The following ELMOD2 variants were observed in gnomAD, a reference collection of about 807,000 sequenced individuals.
ELMOD2 encodes ELMO domain containing 2, also known as ELMO domain-containing protein 2.
A neutral mutation model predicts 41.0 loss-of-function variants in ELMOD2; 28 were observed. The observed-to-expected ratio is 0.68, with a 90% CI of 0.51 to 0.94. ELMOD2 has a LOEUF of 0.94. ELMOD2 is among the 40% of genes least tolerant of loss of function. The pLI is 0.00. For missense variants in ELMOD2, 333 were observed against 343.1 expected, an observed-to-expected ratio of 0.97 and a Z score of 0.23; for synonymous variants, 106 against 107.2, an observed-to-expected ratio of 0.99 and a Z score of 0.07.
chr4:140,550,594 T>C lies in ELMOD2; in HGVS notation c.*219T>C. On this transcript the variant is annotated 3_prime_UTR_variant, in exon 9 of 9. Transcript: ENST00000323570. ...ACCTTATCCTTCCAAAGATCCCCTC[T>C]GTAGAGTCATGCGAACTACAGTTTG... 1.1e-5 allele frequency: 4 copies of C among 356,858 alleles called. No individual in the cohort carries two copies. In the South Asian group the frequency reaches 1.8e-4, roughly 16 times the overall value. 22.1% of individuals were successfully genotyped at this position (356,858 alleles called of 1,614,324 possible). A position where few individuals can be genotyped will look rare whatever the true frequency, so the allele number is the denominator to read the frequency against.
intron 3 of ELMOD2, among the ~76,000 whole-genome samples, chr4:140,534,432 A>G (rs539806456): frequency 3.0e-4 from 45 of 152,180 alleles, no homozygotes; most frequent in Non-Finnish European, 4.9e-4. Flanking sequence ...ACTTTCTGGG[A>G]TGATAGAAAT....
At chr4:140,534,218 A>G (rs977765836) in intron 3 of ELMOD2, among the ~76,000 whole-genome samples, 1 of 152,186 alleles carries the variant, frequency 6.6e-6, no homozygotes, top group Non-Finnish European at 1.5e-5. Context: ...ATTAAAAGGG[A>G]CAAATTACAG....
intron 6 of ELMOD2, 32 bp downstream of exon 6, chr4:140,540,333 A>G: frequency 6.2e-7 from 1 of 1,608,436 alleles, no homozygotes; most frequent in South Asian, 1.1e-5. Flanking sequence ...TTTCTTCCCT[A>G]AATGAAATTA....
At chr4:140,538,806 G>A (rs79431738) in intron 5 of ELMOD2, among the ~76,000 whole-genome samples, 3,504 of 152,246 alleles carry the variant, frequency 0.023, 179 homozygotes, top group East Asian at 0.22. Flanking sequence ...GCGTTAAATA[G>A]CATTTACTAT....
intron 7 of ELMOD2, among the ~76,000 whole-genome samples, chr4:140,542,857 TTATC>T (rs1225210388): frequency 2.0e-5 from 3 of 151,962 alleles, no homozygotes; most frequent in Non-Finnish European, 4.4e-5. Flanking sequence ...AAGATATAGT[TTATC>T]TATACAATGG....
Position 140,552,732 on chromosome 4 carries a change from A to G in ELMOD2, c.*2357A>G, listed in dbSNP as rs1396796055. The stretch of plus-strand genomic sequence containing the variant: ...GAATATTGTGGCATTGAAGTAGCCG[A>G]AAAATTGTTAGTTTTAGCATCAAAA... On this transcript the variant is annotated 3_prime_UTR_variant, in exon 9 of 9. Transcript: ENST00000323570. 6.6e-6 allele frequency: 1 copy of G among 152,164 alleles called. No individual in the cohort carries two copies. The highest frequency in any genetic ancestry group is 2.4e-5 in the African/African-American group (1 of 41,462). 9.4% of individuals were successfully genotyped at this position (152,164 alleles called of 1,614,324 possible). A position where few individuals can be genotyped will look rare whatever the true frequency, so the allele number is the denominator to read the frequency against.
intron 4 of ELMOD2, among the ~76,000 whole-genome samples, chr4:140,536,523 CAT>C (rs1317627446): frequency 6.6e-6 from 1 of 152,080 alleles, no homozygotes; most frequent in African/African-American, 2.4e-5. Context: ...GGCACAGAGA[CAT>C]AGAAATATTA....
chr4:140,535,614 A>C, intron 3 of ELMOD2, 119 bp from the exon 4 acceptor site: 1 of 827,442 alleles, frequency 1.2e-6, no homozygotes, highest in Non-Finnish European at 1.9e-6. Flanking sequence ...TGGTTGAAAC[A>C]AACTGGGTTT....
chr4:140,542,695 A>G, intron 7 of ELMOD2, 53 bp downstream of exon 7: 1 of 1,303,272 alleles, frequency 7.7e-7, no homozygotes, highest in Non-Finnish European at 1.1e-6. Context: ...TAATGATTAG[A>G]TGATTTAATG....
chr4:140,533,828 G>T (rs961570167), intron 3 of ELMOD2, among the ~76,000 whole-genome samples: 2 of 149,844 alleles, frequency 1.3e-5, no homozygotes, highest in Non-Finnish European at 3.0e-5. Flanking sequence ...GTATATATAC[G>T]TGTGTGTGTG....
intron 7 of ELMOD2, among the ~76,000 whole-genome samples, chr4:140,543,222 G>T (rs943062101): frequency 6.6e-6 from 1 of 151,896 alleles, no homozygotes; most frequent in Admixed American, 6.6e-5. Flanking sequence ...TAGATATCAT[G>T]TGAACAGAGC....
At position 140,553,573 on chromosome 4, in the gene ELMOD2, T is replaced by A. The variant is rs1735524315; in HGVS notation, c.*3198T>A. On this transcript the variant is annotated 3_prime_UTR_variant, in exon 9 of 9. Coordinates refer to ENST00000323570, the MANE Select transcript of ELMOD2 (RefSeq NM_153702.4). ...TTAGACCCAACTACTACCTTACTAT[T>A]ATAGGACGATTCTATGTTTCTGTTA... 1 of 152,150 alleles carries A rather than the reference T, an allele frequency of 6.6e-6. No individual in the cohort carries two copies. Among genetic ancestry groups the A allele is most frequent in the South Asian group, 2.1e-4 (1 of 4,836 alleles). 9.4% of individuals were successfully genotyped at this position (152,150 alleles called of 1,614,324 possible).
At chr4:140,529,890 TTTAC>T (rs1218549887) in intron 3 of ELMOD2, among the ~76,000 whole-genome samples, 1 of 152,206 alleles carries the variant, frequency 6.6e-6, no homozygotes, top group East Asian at 1.9e-4. Context: ...TACTAAATAT[TTTAC>T]TTACTTATTT....
chr4:140,532,797 T>C (rs1025718098), intron 3 of ELMOD2, among the ~76,000 whole-genome samples: 1 of 152,156 alleles, frequency 6.6e-6, no homozygotes, highest in African/African-American at 2.4e-5. Flanking sequence ...GAAGAAGCAA[T>C]ATAAGACATA....
At chr4:140,537,616 G>T in intron 5 of ELMOD2, 75 bp downstream of exon 5, 1 of 1,546,954 alleles carries the variant, frequency 6.5e-7, no homozygotes, top group African/African-American at 1.4e-5. Context: ...AGTAAAGTCT[G>T]CAAATTCTAG....
intron 3 of ELMOD2, chr4:140,527,742 T>G: frequency 2.5e-6 from 1 of 406,556 alleles, no homozygotes; most frequent in Non-Finnish European, 4.4e-6. Flanking sequence ...GCTTTAAGAG[T>G]TGATAGCTTT....
Position 140,551,325 on chromosome 4 carries a change from A to G in ELMOD2, c.*950A>G, listed in dbSNP as rs1038875188. The G allele has an allele frequency of 2.0e-5, 3 of 152,104 alleles. No homozygotes were observed. The highest frequency in any genetic ancestry group is 4.4e-5 in the Non-Finnish European group (3 of 67,950). 9.4% of individuals were successfully genotyped at this position (152,104 alleles called of 1,614,324 possible). ...AGTTTTAAAAAAATCTCAGTTAAACATCATTGGTTTATTTGACTTACTGTT... is the reference window on the plus strand; with the variant it reads ...AGTTTTAAAAAAATCTCAGTTAAACGTCATTGGTTTATTTGACTTACTGTT... On this transcript the variant is annotated 3_prime_UTR_variant, in exon 9 of 9. Coordinates refer to ENST00000323570, the MANE Select transcript of ELMOD2 (RefSeq NM_153702.4).
intron 3 of ELMOD2, 74 bp downstream of exon 3, chr4:140,527,568 C>A: frequency 1.7e-6 from 2 of 1,195,048 alleles, no homozygotes; most frequent in Non-Finnish European, 1.2e-6. Flanking sequence ...AAAAAAGTGC[C>A]CTGCTAGAAG....
intron 5 of ELMOD2, among the ~76,000 whole-genome samples, 158 bp from the exon 6 acceptor site, chr4:140,540,010 G>A (rs753868054): frequency 2.0e-5 from 3 of 152,074 alleles, no homozygotes; most frequent in Non-Finnish European, 4.4e-5. Flanking sequence ...TCTTTTTAAT[G>A]GGAATAAATG....
Sources: gnomAD v4.1 joint callset for allele counts (sites outside exome capture counted in the v4.1 genomes callset) on GRCh38, gnomAD v4.1.1 for gene constraint, MANE v1.5 for transcripts, NCBI Gene and HGNC (gene_info 2026-07-23, HGNC 2026-07-21) for gene names.